Variants in PLD1 observed in about 807,000 individuals in gnomAD.
PLD1 encodes choline phosphatase 1.
In PLD1, 112 loss-of-function variants were observed where a neutral mutation model predicts 137.1. The ratio of observed to expected loss-of-function variants is 0.82; its 90% confidence interval spans 0.70 to 0.96. PLD1 has a LOEUF of 0.96. Among genes scored for constraint, PLD1 ranks in the 40% least tolerant of loss-of-function variants. The pLI, the probability that PLD1 is intolerant of heterozygous loss-of-function variation, is 0.00. For missense variants in PLD1, 1,321 were observed against 1,342.0 expected, an observed-to-expected ratio of 0.98 and a Z score of 0.24; for synonymous variants, 431 against 454.7, an observed-to-expected ratio of 0.95 and a Z score of 0.66.
chr3:171,766,929 G>GTT (rs1212110606), intron 1 of PLD1, among the ~76,000 whole-genome samples: 1 of 152,110 alleles, frequency 6.6e-6, no homozygotes. Context: ...TTGGGTAGAA[G>GTT]TTATTTGCCC....
intron 24 of PLD1, among the ~76,000 whole-genome samples, chr3:171,619,664 G>A (rs1325200859): frequency 3.3e-5 from 5 of 152,128 alleles, no homozygotes; most frequent in Non-Finnish European, 5.9e-5. Flanking sequence ...TCAGATCTGT[G>A]GTAATGGTTA....
intron 11 of PLD1, among the ~76,000 whole-genome samples, chr3:171,703,801 C>T (rs1716442890): frequency 6.6e-6 from 1 of 152,154 alleles, no homozygotes; most frequent in South Asian, 2.1e-4. Context: ...ACAGAGAGAA[C>T]TTCAAAAATC....
chr3:171,689,307 T>G (rs1224047689), intron 13 of PLD1, among the ~76,000 whole-genome samples: 1 of 152,214 alleles, frequency 6.6e-6, no homozygotes, highest in Admixed American at 6.5e-5. Flanking sequence ...AATTGAAATA[T>G]TAAGCATATG....
chr3:171,693,833 G>A (rs1715433375), intron 12 of PLD1, among the ~76,000 whole-genome samples: 1 of 152,066 alleles, frequency 6.6e-6, no homozygotes, highest in Non-Finnish European at 1.5e-5. Flanking sequence ...ATGGTGATTA[G>A]TCATTGTTTA....
At chr3:171,705,229 A>G (rs564799048) in intron 11 of PLD1, among the ~76,000 whole-genome samples, 9 of 152,342 alleles carry the variant, frequency 5.9e-5, no homozygotes, top group African/African-American at 2.2e-4. Context: ...GAAAGTTCAG[A>G]AAAAATGTGT....
intron 1 of PLD1, among the ~76,000 whole-genome samples, chr3:171,804,653 T>C (rs1166187175): frequency 6.6e-6 from 1 of 152,234 alleles, no homozygotes; most frequent in African/African-American, 2.4e-5. Flanking sequence ...GAAAGTGGCA[T>C]AAACCAAACT....
intron 1 of PLD1, among the ~76,000 whole-genome samples, chr3:171,773,104 T>C (rs1722451311): frequency 6.6e-6 from 1 of 152,234 alleles, no homozygotes; most frequent in African/African-American, 2.4e-5. Flanking sequence ...ATTTCTCTTA[T>C]CTTTCAGCAA....
chr3:171,639,842 C>CTATATATATATA (rs1183896689), intron 23 of PLD1, among the ~76,000 whole-genome samples: 1 of 118,224 alleles, frequency 8.5e-6, no homozygotes, highest in African/African-American at 3.8e-5. Context: ...CTCTCTCTCT[C>CTATATATATATA]TCTCTCTATA....
At chr3:171,758,728 G>A (rs1223474169) in intron 1 of PLD1, among the ~76,000 whole-genome samples, 2 of 152,198 alleles carry the variant, frequency 1.3e-5, no homozygotes, top group African/African-American at 4.8e-5. Context: ...TGTGCCCAGA[G>A]AGAACAAAAC....
At chr3:171,674,000 T>C (rs1713066364) in intron 19 of PLD1, among the ~76,000 whole-genome samples, 1 of 152,214 alleles carries the variant, frequency 6.6e-6, no homozygotes. Flanking sequence ...CCCCACTAGG[T>C]CTGAATTTTC....
In PLD1 at chr3:171,605,321, C is replaced by T. The variant is rs777294540; in HGVS notation, c.2978G>A (p.Arg993Gln). 8.1e-6 allele frequency: 13 copies of T among 1,606,828 alleles called. No individual in the cohort carries two copies. The Admixed American group carries it at 1.2e-4, about 14-fold the overall frequency. Residue 993 changes from arginine to glutamine, a missense_variant, in exon 26 of 27, where the codon CGA (arginine) becomes CAA (glutamine). By Grantham distance (43) the Arg-to-Gln change is conservative (BLOSUM62 1). Coordinates refer to ENST00000351298, the MANE Select transcript of PLD1 (RefSeq NM_002662.5). Reference sequence around the variant, plus strand: ...CACCTTGTCATAAATTGTAGCATTTCGAGCTGCTGTTGAAACCCACACCTC... The same window carrying T: ...CACCTTGTCATAAATTGTAGCATTTTGAGCTGCTGTTGAAACCCACACCTC... ...FKEVWVSTAARNATIYDKVFR... is the reference protein window; with the variant it reads ...FKEVWVSTAAQNATIYDKVFR...
intron 24 of PLD1, among the ~76,000 whole-genome samples, chr3:171,615,993 G>A (rs1733076005): frequency 1.3e-5 from 2 of 152,208 alleles, no homozygotes; most frequent in Non-Finnish European, 2.9e-5. Flanking sequence ...CCACAGCCAT[G>A]CCAATACTTA....
At chr3:171,748,778 T>A (rs1324566264) in intron 1 of PLD1, among the ~76,000 whole-genome samples, 1 of 150,852 alleles carries the variant, frequency 6.6e-6, no homozygotes, top group East Asian at 1.9e-4. Context: ...TCTTTCTGTG[T>A]CTCAGATTCC....
intron 14 of PLD1, among the ~76,000 whole-genome samples, chr3:171,688,142 T>C (rs761211885): frequency 5.9e-5 from 9 of 152,134 alleles, no homozygotes; most frequent in Admixed American, 1.3e-4. Context: ...TTAGTTGAAA[T>C]AGCAAGCAGA....
At position 171,652,010 on chromosome 3, in the gene PLD1, C is replaced by T. The variant is rs543065702; in HGVS notation, c.2430-6987G>A. On this transcript the variant is annotated intron_variant, in intron 21 of 26. Coordinates refer to ENST00000351298, the MANE Select transcript of PLD1 (RefSeq NM_002662.5). ...ACCTAAATCAAAAGGTCTCCTGCCA[C>T]GATCTGTTGTCATCTGTGTCCCAAG... Among the ~76,000 whole-genome samples, 30 of 152,308 alleles carry T rather than the reference C, an allele frequency of 2.0e-4. No individual in the cohort carries two copies. In the South Asian group the frequency reaches 6.0e-3, roughly 31 times the overall value.
rs762296380 is a variant in PLD1, at chr3:171,659,294, A to T, written c.2348T>A (p.Phe783Tyr). The change falls in exon 21 of 27, where the codon TTT (phenylalanine) becomes TAT (tyrosine). Residue 783 changes from phenylalanine (F) to tyrosine (Y), a missense_variant. By Grantham distance (22) the Phe-to-Tyr change is conservative. Coordinates refer to ENST00000351298, the MANE Select transcript of PLD1 (RefSeq NM_002662.5). Reference sequence around the variant, plus strand: ...TTTGTCATCAGCACAGCTTATGAAAAACTGGTTCTATGAGAAATAAACAAG... The same window carrying T: ...TTTGTCATCAGCACAGCTTATGAAATACTGGTTCTATGAGAAATAAACAAG... ...SRHYIYIENQ[F>Y]FISCADDKVV... 16 of 1,607,488 alleles carry T rather than the reference A, an allele frequency of 1.0e-5. No homozygotes were observed. Among genetic ancestry groups the T allele is most frequent in the Non-Finnish European group, 1.4e-5 (16 of 1,173,980 alleles).
intron 21 of PLD1, among the ~76,000 whole-genome samples, chr3:171,658,193 G>T (rs1737371056): frequency 6.6e-6 from 1 of 151,942 alleles, no homozygotes; most frequent in African/African-American, 2.4e-5. Context: ...CAAATACAGA[G>T]AAACTGGACC....
intron 6 of PLD1, 113 bp downstream of exon 6, chr3:171,733,331 G>A: frequency 1.8e-6 from 1 of 558,838 alleles, no homozygotes; most frequent in Non-Finnish European, 3.2e-6. Context: ...TTAATGCAAG[G>A]ACGAATGTAG....
intron 25 of PLD1, among the ~76,000 whole-genome samples, chr3:171,610,840 T>C (rs965345598): frequency 2.0e-5 from 3 of 150,708 alleles, no homozygotes; most frequent in African/African-American, 7.5e-5. Flanking sequence ...AGGCAATAAA[T>C]ACAGCAATAA....
Sources: allele counts gnomAD v4.1 joint callset (sites outside exome capture counted in the v4.1 genomes callset), GRCh38; gene constraint gnomAD v4.1.1; transcripts MANE v1.5; gene names NCBI Gene and HGNC (gene_info 2026-07-23, HGNC 2026-07-21).